The following RSRP1 variants were observed in gnomAD, a reference collection of about 807,000 sequenced individuals.
RSRP1 encodes arginine and serine rich protein 1.
In RSRP1, 37 loss-of-function variants were observed where a neutral mutation model predicts 33.0. The ratio of observed to expected loss-of-function variants is 1.12; its 90% CI spans 0.86 to 1.48. The LOEUF is 1.48. Ranked by LOEUF, RSRP1 falls within the 40% of genes most tolerant of loss-of-function variation. RSRP1 has a pLI of 0.00. For missense variants in RSRP1, 402 were observed against 385.3 expected, an observed-to-expected ratio of 1.04 and a Z score of -0.36; for synonymous variants, 167 against 158.7, an observed-to-expected ratio of 1.05 and a Z score of -0.40.
rs1178420408 is a variant in RSRP1 at position 25,246,689 on chromosome 1, C to T, written c.275G>A (p.Arg92His). 3.1e-6 allele frequency: 5 copies of T among 1,608,078 alleles called. No individual in the cohort carries two copies. Among genetic ancestry groups the T allele is most frequent in the East Asian group, 4.5e-5 (2 of 44,756 alleles). The change falls in exon 2 of 5, where the codon CGT (arginine) becomes CAT (histidine). Residue 92 changes from arginine to histidine, a missense_variant. Physicochemically the swap from Arg to His is conservative, Grantham distance 29. Coordinates refer to ENST00000243189, the MANE Select transcript of RSRP1 (RefSeq NM_020317.5). ...SRSRSRSRSRRYRERRYGFTR... is the reference protein window; with the variant it reads ...SRSRSRSRSRHYRERRYGFTR... ...GAACCCGTAGCGCCTCTCTCGGTAA[C>T]GGCGGCTGCGGGATCGCGACCGGCT...
In RSRP1 at chr1:25,281,692, A is replaced by G. The variant is rs1380945710; in HGVS notation, c.-66-34663T>C. On this transcript the variant is annotated intron_variant, in intron 1 of 1. Coordinates refer to the RSRP1 transcript ENST00000561867. ...AAGGATGCAAGCAGGAGATAGAAAC[A>G]TTCCCTGCACCTCCCTCCTTGTTGT... Among the ~76,000 whole-genome samples the G allele has an allele frequency of 3.1e-5, 4 of 130,840 alleles. 1 individual carries two copies. The highest frequency in any genetic ancestry group is 7.2e-5 in the Non-Finnish European group (4 of 55,362). 85.8% of individuals were successfully genotyped at this position (130,840 alleles called of 152,430 possible).
At position 25,330,850 on chromosome 1, in the gene RSRP1, T is replaced by C. The variant is rs2765573; in HGVS notation, c.-67+7128A>G. Among the ~76,000 whole-genome samples the C allele has an allele frequency of 1.4e-4, 18 of 129,612 alleles. 4 individuals carry two copies. In the East Asian group the frequency reaches 1.6e-3, roughly 11 times the overall value. The allele number at this position is 129,612 out of a possible 152,430, so 85.0% of individuals were successfully genotyped here. On this transcript the variant is annotated intron_variant, in intron 1 of 1. Coordinates refer to the RSRP1 transcript ENST00000561867. ...CTGGAAGTTCAAGGTGCCGGCAAGG[T>C]TGGTTTCTGGTGAGACCTCTCTCCC...
chr1:25,305,018 G>A (rs1643688676), intron 1 of RSRP1, among the ~76,000 whole-genome samples: 1 of 132,240 alleles, frequency 7.6e-6, no homozygotes. Context: ...CACTCATCTT[G>A]CTTTTCAAGC....
chr1:25,273,943 C>T (rs1640715376), intron 1 of RSRP1, among the ~76,000 whole-genome samples: 1 of 130,802 alleles, frequency 7.6e-6, no homozygotes, highest in South Asian at 2.3e-4. Context: ...ATTTAAGGTG[C>T]TGGCCCAGAG....
At position 25,300,815 on chromosome 1, in the gene RSRP1, C is replaced by G. The variant is rs1365649464; in HGVS notation, c.-67+37163G>C. ...AGCCTGCTGGGTTGGGCTGGGTAAG[C>G]TCTGAACACCAGTCTCATGGCTTCA... is the stretch of plus-strand genomic sequence containing the variant. On this transcript the variant is annotated intron_variant, in intron 1 of 1. Transcript: ENST00000561867. 2.5e-4 allele frequency: 260 copies of G among 1,058,398 alleles called. 58 individuals carry two copies. Among genetic ancestry groups the G allele is most frequent in the Middle Eastern group, 8.2e-4 (4 of 4,880 alleles). The allele number at this position is 1,058,398 out of a possible 1,614,324, so 65.6% of individuals were successfully genotyped here. A position where few individuals can be genotyped will look rare whatever the true frequency, so the allele number is the denominator to read the frequency against.
At chr1:25,307,995 G>T (rs115030179) in intron 1 of RSRP1, among the ~76,000 whole-genome samples, 7,213 of 120,242 alleles carry the variant, frequency 0.06, 1,481 homozygotes, top group African/African-American at 0.19. Flanking sequence ...ACCTAGCAAG[G>T]TCCTACTCAC....
intron 1 of RSRP1, among the ~76,000 whole-genome samples, chr1:25,314,315 A>T (rs1406949673): frequency 3.8e-5 from 5 of 132,980 alleles, no homozygotes; most frequent in African/African-American, 1.3e-4. Context: ...ATCTCCAATA[A>T]CTAACTAAAT....
Position 25,247,319 on chromosome 1 carries a change from C to G in RSRP1, c.-77G>C, listed in dbSNP as rs1210025888. On this transcript the variant is annotated 5_prime_UTR_variant, in exon 1 of 5. Coordinates refer to ENST00000243189, the MANE Select transcript of RSRP1 (RefSeq NM_020317.5). ...CAGCAGAAAACTTACCGCACGCCGT[C>G]GACGCCTCCCTCACGACTGAGAGAA... 7.7e-6 allele frequency: 2 copies of G among 260,944 alleles called. No individual in the cohort carries two copies. The highest frequency in any genetic ancestry group is 1.5e-5 in the Non-Finnish European group (2 of 137,884). The allele number at this position is 260,944 out of a possible 1,614,324, so 16.2% of individuals were successfully genotyped here. A position where few individuals can be genotyped will look rare whatever the true frequency, so the allele number is the denominator to read the frequency against.
chr1:25,250,869 C>T (rs1038782768), upstream of RSRP1, among the ~76,000 whole-genome samples: 18 of 152,036 alleles, frequency 1.2e-4, no homozygotes, highest in African/African-American at 3.4e-4. Context: ...ATTAGCCGGG[C>T]GAGGTGGCGT....
rs1474743978 is a variant in RSRP1, at chr1:25,329,129, A to C, written c.-67+8849T>G. The C allele has an allele frequency of 2.9e-5, 35 of 1,189,076 alleles. 10 individuals carry two copies. In the Admixed American group the frequency reaches 3.0e-4, roughly 10 times the overall value. 73.7% of individuals were successfully genotyped at this position (1,189,076 alleles called of 1,614,324 possible). ...CCATTTATTATGCACTGTAGAATACAACAATAAAATACAGCCATGTACCAC... is the reference window on the plus strand; with the variant it reads ...CCATTTATTATGCACTGTAGAATACCACAATAAAATACAGCCATGTACCAC... On this transcript the variant is annotated intron_variant, in intron 1 of 1. Coordinates refer to the RSRP1 transcript ENST00000561867.
In RSRP1 at chr1:25,247,398, C is replaced by T. The variant is rs550638358; in HGVS notation, c.-156G>A. On this transcript the variant is annotated 5_prime_UTR_variant, in exon 1 of 5. Transcript: ENST00000243189. ...CGTAAGACGAAGTGGGGCTTTTAGTCCCTGCTTTCGAACGGCGAATTCCAC... is the reference window on the plus strand; with the variant it reads ...CGTAAGACGAAGTGGGGCTTTTAGTTCCTGCTTTCGAACGGCGAATTCCAC... 1.3e-4 allele frequency: 22 copies of T among 170,064 alleles called. No homozygotes were observed. The South Asian group carries it at 4.1e-3, about 32-fold the overall frequency. 10.5% of individuals were successfully genotyped at this position (170,064 alleles called of 1,614,324 possible).
At chr1:25,276,416 TAA>T (rs59061341) in intron 1 of RSRP1, among the ~76,000 whole-genome samples, 10 of 88,560 alleles carry the variant, frequency 1.1e-4, no homozygotes, top group African/African-American at 2.5e-4. Context: ...AATAGTTAAT[TAA>T]AAAAAAAAAA....
chr1:25,247,080 G>A (rs1639507516), intron 1 of RSRP1, 51 bp from the exon 2 acceptor site: 2 of 1,154,340 alleles, frequency 1.7e-6, no homozygotes, highest in Admixed American at 3.0e-5. Context: ...GCCGGCGCCT[G>A]GCCACCCGGA....
chr1:25,246,838 G>A lies in RSRP1; in HGVS notation c.126C>T (p.Ser42=), dbSNP rs369770723. The A allele has an allele frequency of 3.7e-6, 6 of 1,613,040 alleles. No homozygotes were observed. Among genetic ancestry groups the A allele is most frequent in the African/African-American group, 1.3e-5 (1 of 74,918 alleles). Residue 42 remains serine, a synonymous_variant, in exon 2 of 5, where the codon AGC becomes AGT. Transcript: ENST00000243189. ...SRSRSRSFSR[S]SRSHSRVSSR... is the part of the protein sequence containing the mutation. ...TCGAGACGCGGGAATGGGACCGAGA[G>A]CTTCTGGAAAAAGAGCGGCTCCTAG...
rs1190574734 is a variant in RSRP1 at position 25,282,183 on chromosome 1, T to A, written c.-66-35154A>T. 2.0e-4 allele frequency among the ~76,000 whole-genome samples: 26 copies of A among 132,928 alleles called. 4 individuals carry two copies. The highest frequency in any genetic ancestry group is 6.7e-4 in the African/African-American group (26 of 38,912). 87.2% of individuals were successfully genotyped at this position (132,928 alleles called of 152,430 possible). ...TCAGCTGATAAGGAAAGTAAGCAAC[T>A]TACAAGACCACAGGGCTATGAAGTG... On this transcript the variant is annotated intron_variant, in intron 1 of 1. Transcript: ENST00000561867.
intron 1 of RSRP1, among the ~76,000 whole-genome samples, chr1:25,289,248 G>A (rs1642296105): frequency 7.5e-6 from 1 of 132,682 alleles, no homozygotes; most frequent in African/African-American, 2.6e-5. Flanking sequence ...AGGCTGGAGT[G>A]CAGTGGTGCA....
chr1:25,308,785 T>C (rs984966296), intron 1 of RSRP1, among the ~76,000 whole-genome samples: 2 of 129,392 alleles, frequency 1.5e-5, no homozygotes, highest in Admixed American at 7.5e-5. Context: ...ATAGTGACAG[T>C]GATGATCTCT....
At chr1:25,244,791 C>T in intron 3 of RSRP1, 1 of 986,698 alleles carries the variant, frequency 1.0e-6, no homozygotes, top group South Asian at 1.8e-5. Context: ...CTCAAAGATC[C>T]TCCTGCCTCA....
rs1639403204 is a variant in RSRP1, at chr1:25,246,459, G to T, written c.505C>A (p.Arg169Ser). The change falls in exon 2 of 5, where the codon CGC (arginine) becomes AGC (serine). Residue 169 changes from arginine (R) to serine (S), a missense_variant. By Grantham distance (110) the Arg-to-Ser change is moderately radical. Coordinates refer to ENST00000243189, the MANE Select transcript of RSRP1 (RefSeq NM_020317.5). ...RTRSRSRTPF[R>S]LSEKDRMELL... Reference sequence around the variant, plus strand: ...ACCCACCCACCTTTTTCACTTAAGCGAAAGGGGGTTCTGCTCCGCGACCTC... The same window carrying T: ...ACCCACCCACCTTTTTCACTTAAGCTAAAGGGGGTTCTGCTCCGCGACCTC... 28 of 1,612,926 alleles carry T rather than the reference G, an allele frequency of 1.7e-5. No individual in the cohort carries two copies. Among genetic ancestry groups the T allele is most frequent in the Non-Finnish European group, 2.4e-5 (28 of 1,179,138 alleles).
Sources: allele counts gnomAD v4.1 joint callset (sites outside exome capture counted in the v4.1 genomes callset), GRCh38; gene constraint gnomAD v4.1.1; transcripts MANE v1.5; gene names NCBI Gene and HGNC (gene_info 2026-07-23, HGNC 2026-07-21).